GRK4: variants seen among roughly 807,000 people sequenced by gnomAD.
GRK4 encodes the protein G protein-coupled receptor kinase 2-like.
In GRK4, 73 loss-of-function variants were observed where a neutral mutation model predicts 77.9. The ratio of observed to expected loss-of-function variants is 0.94; its 90% confidence interval spans 0.78 to 1.14. The LOEUF (loss-of-function observed/expected upper bound fraction) is 1.14, where lower values mean the gene tolerates loss of function less well. Ranked by LOEUF, GRK4 falls within the 50% of genes most tolerant of loss-of-function variation. GRK4 has a pLI of 0.00. For missense variants in GRK4, 729 were observed against 700.2 expected (o/e 1.04, Z -0.46); for synonymous variants, 257 against 254.4 (o/e 1.01, Z -0.10).
intron 1 of GRK4, chr4:2,970,894 TCTC>T (rs1719361305): frequency 6.6e-6 from 1 of 151,904 alleles, no homozygotes; most frequent in African/African-American, 2.4e-5. Context: ...ATGGTCTCGA[TCTC>T]CTGACCTTGT....
At chr4:2,992,890 G>A (rs1224467412) in intron 4 of GRK4, among the ~76,000 whole-genome samples, 1 of 152,116 alleles carries the variant, frequency 6.6e-6, no homozygotes, top group African/African-American at 2.4e-5. Flanking sequence ...AGGCTCAGGT[G>A]GGAGGACTGC....
intron 4 of GRK4, among the ~76,000 whole-genome samples, chr4:3,000,976 A>G (rs1292810125): frequency 6.6e-6 from 1 of 151,238 alleles, no homozygotes; most frequent in East Asian, 1.9e-4. Context: ...TGTGTGTTTC[A>G]GTCTTGGCTC....
intron 1 of GRK4, among the ~76,000 whole-genome samples, chr4:2,980,397 G>C (rs1249193318): frequency 1.3e-5 from 2 of 151,984 alleles, no homozygotes; most frequent in African/African-American, 4.8e-5. Context: ...ATCTTCTGTC[G>C]ATGTAGGAAA....
intron 10 of GRK4, among the ~76,000 whole-genome samples, chr4:3,023,916 A>G (rs755810174): frequency 6.6e-6 from 1 of 152,154 alleles, no homozygotes; most frequent in Non-Finnish European, 1.5e-5. Context: ...TCATAAACAT[A>G]AAGAAACATA....
chr4:3,030,056 A>G lies in GRK4; in HGVS notation c.1269+647A>G, dbSNP rs191879053. 2.0e-5 allele frequency among the ~76,000 whole-genome samples: 3 copies of G among 152,350 alleles called. No homozygotes were observed. In the East Asian group the frequency reaches 5.8e-4, roughly 29 times the overall value. On this transcript the variant is annotated intron_variant, in intron 12 of 15. Transcript: ENST00000398052. ...TGACCAATTTTATATGAAGTTAGAC[A>G]TAAAACCAATCTTTCATGTATTTTG...
chr4:3,001,169 G>A (rs1469281300), intron 4 of GRK4, among the ~76,000 whole-genome samples: 1 of 117,068 alleles, frequency 8.5e-6, no homozygotes, highest in Non-Finnish European at 1.7e-5. Flanking sequence ...GTATATATAT[G>A]TATATATGTG....
rs190929549 is a variant in GRK4 at position 2,987,136 on chromosome 4, A to G, written c.149-1591A>G. The G allele has an allele frequency of 9.5e-4, 491 of 518,590 alleles. 5 individuals are homozygous for G. Among genetic ancestry groups the G allele is most frequent in the Middle Eastern group, 3.2e-3 (10 of 3,146 alleles). The allele number at this position is 518,590 out of a possible 1,614,324, so 32.1% of individuals were successfully genotyped here. A position where few individuals can be genotyped will look rare whatever the true frequency, so the allele number is the denominator to read the frequency against. On this transcript the variant is annotated intron_variant, in intron 2 of 15. Coordinates refer to ENST00000398052, the MANE Select transcript of GRK4 (RefSeq NM_182982.3). ...ACTCCTTCCTGCCCGCTACCTCCAG[A>G]GCTAGACAACTACAAATCCACTTTC...
At chr4:3,016,645 GA>G (rs1473647330) in intron 8 of GRK4, among the ~76,000 whole-genome samples, 1 of 134,818 alleles carries the variant, frequency 7.4e-6, no homozygotes. Flanking sequence ...GGGCTGCAGT[GA>G]GCCATTATTG....
At chr4:3,010,549 G>A (rs73084115) in intron 7 of GRK4, among the ~76,000 whole-genome samples, 2,479 of 152,168 alleles carry the variant, frequency 0.016, 60 homozygotes, top group African/African-American at 0.057. Context: ...TAAATATGAT[G>A]GGTCTCCTAG....
intron 1 of GRK4, among the ~76,000 whole-genome samples, chr4:2,976,422 C>T (rs1721192571): frequency 6.6e-6 from 1 of 151,528 alleles, no homozygotes; most frequent in Admixed American, 6.6e-5. Flanking sequence ...GATGGGGTCT[C>T]AGTATGTTGC....
At chr4:3,016,147 A>G (rs1734430126) in intron 8 of GRK4, among the ~76,000 whole-genome samples, 1 of 148,370 alleles carries the variant, frequency 6.7e-6, no homozygotes, top group South Asian at 2.3e-4. Flanking sequence ...TGACCTTGTG[A>G]TCTACCCACC....
At chr4:3,023,762 A>AG (rs1298122833) in intron 10 of GRK4, among the ~76,000 whole-genome samples, 1 of 152,194 alleles carries the variant, frequency 6.6e-6, no homozygotes, top group Non-Finnish European at 1.5e-5. Flanking sequence ...AGGCTTAACA[A>AG]GGGTAGGTAG....
intron 1 of GRK4, among the ~76,000 whole-genome samples, chr4:2,968,532 A>T (rs1453691537): frequency 1.3e-5 from 2 of 152,228 alleles, no homozygotes; most frequent in East Asian, 3.8e-4. Context: ...TGTGGGACTC[A>T]TTCATTCATG....
At chr4:3,034,566 T>G (rs1373420171) in intron 12 of GRK4, among the ~76,000 whole-genome samples, 1 of 152,176 alleles carries the variant, frequency 6.6e-6, no homozygotes, top group Non-Finnish European at 1.5e-5. Flanking sequence ...CCCTGCTTTT[T>G]CTGATTGATG....
intron 4 of GRK4, among the ~76,000 whole-genome samples, chr4:2,998,261 G>A (rs1245421619): frequency 6.6e-6 from 1 of 152,078 alleles, no homozygotes; most frequent in African/African-American, 2.4e-5. Context: ...GGAAGCTGAG[G>A]CAGGAGAATT....
chr4:2,979,708 C>T (rs981100344), intron 1 of GRK4, among the ~76,000 whole-genome samples: 13 of 152,078 alleles, frequency 8.5e-5, no homozygotes, highest in East Asian at 7.7e-4. Context: ...AGTGAAACTC[C>T]GTCCCCCTAC....
At chr4:3,030,059 A>T (rs1442563001) in intron 12 of GRK4, among the ~76,000 whole-genome samples, 1 of 152,202 alleles carries the variant, frequency 6.6e-6, no homozygotes, top group African/African-American at 2.4e-5. Context: ...GTTAGACATA[A>T]AACCAATCTT....
chr4:2,988,075 C>CAAAAAAAAAAAAAAAAAAAAAAAA lies in GRK4; in HGVS notation c.149-651_149-628dup, dbSNP rs67664476. Reference sequence around the variant, plus strand: ...TGGATGACAGAGTGAGGCTCTGTCTCAAAAAAAAAAAAAAAAAAAAAAAAG... The same window carrying CAAAAAAAAAAAAAAAAAAAAAAAA: ...TGGATGACAGAGTGAGGCTCTGTCTCAAAAAAAAAAAAAAAAAAAAAAAAAAAAAAAAAAAAAAAAAAAAAAAAG... On this transcript the variant is annotated intron_variant, in intron 2 of 15. Coordinates refer to ENST00000398052, the MANE Select transcript of GRK4 (RefSeq NM_182982.3). Among the ~76,000 whole-genome samples the CAAAAAAAAAAAAAAAAAAAAAAAA allele has an allele frequency of 8.7e-3, 293 of 33,644 alleles. 16 individuals carry two copies. The highest frequency in any genetic ancestry group is 0.017 in the Middle Eastern group (1 of 60). 22.1% of individuals were successfully genotyped at this position (33,644 alleles called of 152,430 possible). A position where few individuals can be genotyped will look rare whatever the true frequency, so the allele number is the denominator to read the frequency against.
chr4:3,008,030 A>C (rs1560442281), intron 6 of GRK4, among the ~76,000 whole-genome samples: 1 of 152,210 alleles, frequency 6.6e-6, no homozygotes, highest in Non-Finnish European at 1.5e-5. Flanking sequence ...AACAGAAAAA[A>C]AGAAAAGAGA....
Sources: gnomAD v4.1 joint callset for allele counts (sites outside exome capture counted in the v4.1 genomes callset) on GRCh38, gnomAD v4.1.1 for gene constraint, MANE v1.5 for transcripts, NCBI Gene and HGNC (gene_info 2026-07-23, HGNC 2026-07-21) for gene names.